The following ERP27 variants were observed in gnomAD, a reference collection of about 807,000 sequenced individuals.
The protein encoded by ERP27 is endoplasmic reticulum protein 27.
ERP27 carries 23 observed loss-of-function variants against 27.7 expected under a neutral mutation model. The observed-to-expected ratio is 0.83, with a 90% CI of 0.60 to 1.18. ERP27 has a LOEUF of 1.18. Among genes scored for constraint, ERP27 ranks in the 50% most tolerant of loss-of-function variants. The pLI, the probability that ERP27 is intolerant of heterozygous loss-of-function variation, is 0.00. For missense variants in ERP27, 363 were observed against 327.9 expected (o/e 1.11, Z -0.83); for synonymous variants, 159 against 118.3 (o/e 1.34, Z -2.23).
At chr12:14,915,398 C>T (rs1229383329) in intron 6 of ERP27, 91 bp downstream of exon 6, 21 of 1,390,948 alleles carry the variant, frequency 1.5e-5, no homozygotes, top group Non-Finnish European at 2.1e-5. Context: ...TTGCTCTCCT[C>T]CCTCTCTGAG....
At position 14,915,591 on chromosome 12, in the gene ERP27, A is replaced by G. The variant is rs747966321; in HGVS notation, c.672T>C (p.Ile224=). ...LKESQLPALA[I]YQTLDDEWDT... ...CCCACTCGTCATCTAGAGTCTGGTA[A>G]ATTGCCAAAGCTGGCAGTTGAGACT... is the stretch of plus-strand genomic sequence containing the variant. The change falls in exon 6 of 7, where the codon ATT becomes ATC. Residue 224 remains isoleucine, a synonymous_variant. Coordinates refer to ENST00000266397, the MANE Select transcript of ERP27 (RefSeq NM_152321.4). 9.9e-6 allele frequency: 16 copies of G among 1,614,214 alleles called. No individual in the cohort carries two copies. Among genetic ancestry groups the G allele is most frequent in the Non-Finnish European group, 1.3e-5 (15 of 1,180,032 alleles).
At chr12:14,931,603 G>A (rs982817656) in intron 3 of ERP27, among the ~76,000 whole-genome samples, 29 of 152,100 alleles carry the variant, frequency 1.9e-4, no homozygotes, top group Middle Eastern at 3.2e-3. Context: ...GACTAGGTCC[G>A]TCACTAGCGG....
intron 3 of ERP27, among the ~76,000 whole-genome samples, chr12:14,925,274 A>T (rs1388073909): frequency 6.6e-6 from 1 of 152,066 alleles, no homozygotes; most frequent in Non-Finnish European, 1.5e-5. Context: ...TAGTGAGGAA[A>T]CCCCCTGACC....
intron 3 of ERP27, among the ~76,000 whole-genome samples, chr12:14,925,010 G>A (rs1175115700): frequency 6.6e-6 from 1 of 152,180 alleles, no homozygotes; most frequent in Non-Finnish European, 1.5e-5. Context: ...AAAAGGTGAG[G>A]CATGGATAAT....
intron 4 of ERP27, among the ~76,000 whole-genome samples, chr12:14,917,614 ACT>A (rs1176883684): frequency 6.6e-6 from 1 of 152,090 alleles, no homozygotes; most frequent in East Asian, 1.9e-4. Context: ...TCTATCTCTC[ACT>A]CTGAGGAATA....
chr12:14,927,750 A>G (rs1478427741), intron 3 of ERP27, among the ~76,000 whole-genome samples: 3 of 134,970 alleles, frequency 2.2e-5, no homozygotes, highest in Non-Finnish European at 4.7e-5. Flanking sequence ...TCAGGCACAC[A>G]CACACACACA....
Position 14,937,080 on chromosome 12 carries a change from C to T in ERP27, c.195+872G>A, listed in dbSNP as rs80050570. On this transcript the variant is annotated intron_variant, in intron 2 of 6. Transcript: ENST00000266397. Reference sequence around the variant, plus strand: ...TAAGTTATTGCACACTCCTCCAATTCCATGCTCTTGCCCCTTCCCCATCTT... The same window carrying T: ...TAAGTTATTGCACACTCCTCCAATTTCATGCTCTTGCCCCTTCCCCATCTT... Among the ~76,000 whole-genome samples, 775 of 152,298 alleles carry T rather than the reference C, an allele frequency of 5.1e-3. 10 individuals are homozygous for T. The highest frequency in any genetic ancestry group is 0.018 in the African/African-American group (743 of 41,554).
At chr12:14,925,572 A>G (rs1360129466) in intron 3 of ERP27, among the ~76,000 whole-genome samples, 1 of 152,102 alleles carries the variant, frequency 6.6e-6, no homozygotes, top group Non-Finnish European at 1.5e-5. Flanking sequence ...TCTTAATTTT[A>G]AAATGTAAGA....
chr12:14,935,021 C>T (rs772028204), intron 2 of ERP27, 28 bp from the exon 3 acceptor site: 1 of 1,608,220 alleles, frequency 6.2e-7, no homozygotes, highest in South Asian at 1.1e-5. Flanking sequence ...AATAATACCA[C>T]AGTGGTTATT....
intron 5 of ERP27, 121 bp downstream of exon 5, chr12:14,917,057 T>C: frequency 8.7e-7 from 1 of 1,151,976 alleles, no homozygotes; most frequent in Non-Finnish European, 1.2e-6. Context: ...TCCTACTTCT[T>C]GCTTTGCTAT....
At chr12:14,924,187 C>A (rs1302110273) in intron 3 of ERP27, among the ~76,000 whole-genome samples, 2 of 152,176 alleles carry the variant, frequency 1.3e-5, no homozygotes, top group East Asian at 3.9e-4. Context: ...TCTATCTGTG[C>A]TCCTACACAT....
intron 3 of ERP27, among the ~76,000 whole-genome samples, chr12:14,921,502 A>T (rs1207077432): frequency 6.6e-6 from 1 of 152,164 alleles, no homozygotes; most frequent in Non-Finnish European, 1.5e-5. Context: ...TTAGAGGGAT[A>T]AGGAAGAGCA....
intron 6 of ERP27, 63 bp downstream of exon 6, chr12:14,915,426 C>G: frequency 6.4e-7 from 1 of 1,556,588 alleles, no homozygotes; most frequent in African/African-American, 1.4e-5. Context: ...AATTCTTATT[C>G]AACTGGAAAT....
chr12:14,926,876 G>A (rs1486360450), intron 3 of ERP27, among the ~76,000 whole-genome samples: 1 of 152,008 alleles, frequency 6.6e-6, no homozygotes, highest in Non-Finnish European at 1.5e-5. Context: ...ATTTATTCCT[G>A]TATTTTTTAG....
chr12:14,930,445 G>T (rs1469105066), intron 3 of ERP27, among the ~76,000 whole-genome samples: 10 of 152,132 alleles, frequency 6.6e-5, no homozygotes, highest in Admixed American at 5.2e-4. Flanking sequence ...CCAAAGCAGG[G>T]TAAACATTCA....
At chr12:14,920,796 G>A (rs1863489560) in intron 4 of ERP27, 136 bp downstream of exon 4, 2 of 650,944 alleles carry the variant, frequency 3.1e-6, no homozygotes, top group Non-Finnish European at 2.7e-6. Flanking sequence ...GGTGTAGGAA[G>A]GATAGTAACA....
At chr12:14,928,705 T>C (rs1592277251) in intron 3 of ERP27, among the ~76,000 whole-genome samples, 2 of 152,166 alleles carry the variant, frequency 1.3e-5, no homozygotes, top group East Asian at 3.8e-4. Flanking sequence ...AGGGTAAAAA[T>C]GAACTCCTTG....
At chr12:14,920,061 G>A (rs1273311533) in intron 4 of ERP27, among the ~76,000 whole-genome samples, 1 of 152,206 alleles carries the variant, frequency 6.6e-6, no homozygotes, top group African/African-American at 2.4e-5. Context: ...AGAAGGTACA[G>A]CATTTTGAGC....
intron 3 of ERP27, among the ~76,000 whole-genome samples, chr12:14,922,354 G>A (rs1003668606): frequency 1.3e-5 from 2 of 152,110 alleles, no homozygotes; most frequent in Non-Finnish European, 2.9e-5. Context: ...TGTCTCAGTG[G>A]TTTTAATTGC....
Sources: gnomAD v4.1 joint callset for allele counts (sites outside exome capture counted in the v4.1 genomes callset) on GRCh38, gnomAD v4.1.1 for gene constraint, MANE v1.5 for transcripts, NCBI Gene and HGNC (gene_info 2026-07-23, HGNC 2026-07-21) for gene names.